Variants in SHOX observed in about 807,000 individuals in gnomAD.
SHOX encodes the protein short stature homeobox protein.
SHOX carries 12 observed loss-of-function variants against 29.6 expected under a neutral mutation model. The observed-to-expected ratio is 0.41, with a 90% CI of 0.26 to 0.66. The LOEUF is 0.66. Ranked by LOEUF, SHOX falls within the 30% of genes least tolerant of loss-of-function variation. The pLI is 0.35. For synonymous variants in SHOX, 214 were observed against 200.6 expected (o/e 1.07, Z -0.57); for missense variants, 499 against 437.7 (o/e 1.14, Z -1.25).
chrX:644,912 C>T lies in SHOX; in HGVS notation c.*276C>T. Reference sequence around the variant, plus strand: ...CAAGGCTGCCCGTGCGTCCTGGGACCCTGGAGAAGGGTAAACCCCCGCCTG... The same window carrying T: ...CAAGGCTGCCCGTGCGTCCTGGGACTCTGGAGAAGGGTAAACCCCCGCCTG... On this transcript the variant is annotated 3_prime_UTR_variant, in exon 5 of 5. Coordinates refer to ENST00000686671, the MANE Select transcript of SHOX (RefSeq NM_000451.4). 1 of 438,604 alleles carries T rather than the reference C, an allele frequency of 2.3e-6. No homozygotes were observed. The highest frequency in any genetic ancestry group is 2.1e-5 in the African/African-American group (1 of 47,698). 27.2% of individuals were successfully genotyped at this position (438,604 alleles called of 1,614,324 possible).
chrX:630,822 G>C lies in SHOX; in HGVS notation c.-76G>C. ...AACAGCGCTGGTGATCCACCCGCGC[G>C]CACGGGCCGTCCTCTCCGCGCGGGG... On this transcript the variant is annotated 5_prime_UTR_variant, in exon 1 of 5. Coordinates refer to ENST00000686671, the MANE Select transcript of SHOX (RefSeq NM_000451.4). The C allele has an allele frequency of 6.4e-7, 1 of 1,570,012 alleles. No individual in the cohort carries two copies. The highest frequency in any genetic ancestry group is 8.7e-7 in the Non-Finnish European group (1 of 1,144,754).
chrX:625,584 C>CTA (rs2052511006), intron 1 of SHOX, among the ~76,000 whole-genome samples: 1 of 150,430 alleles, frequency 6.6e-6, no homozygotes, highest in Admixed American at 6.6e-5. Flanking sequence ...CCATCTCTGT[C>CTA]TCTCTTTCTC....
At chrX:630,724 A>G (rs745718793), upstream of SHOX, 1 of 775,772 alleles carries the variant, frequency 1.3e-6, no homozygotes, top group East Asian at 2.5e-5. Context: ...ATTGCACCAG[A>G]CAGGCAGCGC....
chrX:629,231 C>T (rs2052602106), upstream of SHOX, among the ~76,000 whole-genome samples: 1 of 151,456 alleles, frequency 6.6e-6, no homozygotes, highest in African/African-American at 2.4e-5. Context: ...CTCTCTTTCT[C>T]TCTCTCCATC....
intron 2 of SHOX, among the ~76,000 whole-genome samples, chrX:639,291 T>G (rs2238843): frequency 0.52 from 79,058 of 152,070 alleles, 21,601 homozygotes; most frequent in Middle Eastern, 0.63. Context: ...GGCGTCCTCA[T>G]GACCCTTGGT....
chrX:644,950 T>G lies in SHOX; in HGVS notation c.*314T>G. 1 of 399,522 alleles carries G rather than the reference T, an allele frequency of 2.5e-6. No homozygotes were observed. The highest frequency in any genetic ancestry group is 4.4e-6 in the Non-Finnish European group (1 of 226,718). The allele number at this position is 399,522 out of a possible 1,614,324, so 24.7% of individuals were successfully genotyped here. On this transcript the variant is annotated 3_prime_UTR_variant, in exon 5 of 5. Coordinates refer to ENST00000686671, the MANE Select transcript of SHOX (RefSeq NM_000451.4). Reference sequence around the variant, plus strand: ...AAACCCCCGCCTGGCTGCGTCTTCCTCTGCTATACCCTATGCATGCGGTTA... The same window carrying G: ...AAACCCCCGCCTGGCTGCGTCTTCCGCTGCTATACCCTATGCATGCGGTTA...
In SHOX at chrX:651,109, T is replaced by TA. The variant is rs1032901152; in HGVS notation, c.*6473_*6474insA. 52 of 347,338 alleles carry TA rather than the reference T, an allele frequency of 1.5e-4. No individual in the cohort carries two copies. Among genetic ancestry groups the TA allele is most frequent in the Middle Eastern group, 9.2e-4 (1 of 1,088 alleles). The allele number at this position is 347,338 out of a possible 1,614,324, so 21.5% of individuals were successfully genotyped here. ...GATGTATGTGCATTTGTTATTTATT[T>TA]TTTTTTCCTTGGTCGGACGTTCATA... is the stretch of plus-strand genomic sequence containing the variant. On this transcript the variant is annotated 3_prime_UTR_variant, in exon 5 of 5. Coordinates refer to ENST00000686671, the MANE Select transcript of SHOX (RefSeq NM_000451.4).
rs1024689862 is a variant in SHOX, at chrX:647,098, C to T, written c.*2462C>T. Among the ~76,000 whole-genome samples the T allele has an allele frequency of 7.9e-5, 12 of 152,198 alleles. No homozygotes were observed. The highest frequency in any genetic ancestry group is 2.7e-4 in the African/African-American group (11 of 41,460). ...GAATCTGAACGTTTCTCTTTAGAGA[C>T]GGAATTTCAATCTTGTCCCCCAGGC... On this transcript the variant is annotated 3_prime_UTR_variant, in exon 5 of 5. Coordinates refer to ENST00000686671, the MANE Select transcript of SHOX (RefSeq NM_000451.4).
intron 4 of SHOX, among the ~76,000 whole-genome samples, chrX:643,838 G>A (rs2052912061): frequency 7.0e-6 from 1 of 142,650 alleles, no homozygotes. Flanking sequence ...GGTGACCCGG[G>A]AGAGGCTTGG....
At chrX:625,056 T>TCCCC (rs2052493113) in intron 1 of SHOX, among the ~76,000 whole-genome samples, 2 of 51,792 alleles carry the variant, frequency 3.9e-5, no homozygotes, top group South Asian at 9.3e-4. Context: ...CCTCTGTTCC[T>TCCCC]TCCTCCCTCC....
chrX:634,936 G>A, intron 2 of SHOX, 110 bp downstream of exon 2: 2 of 1,193,988 alleles, frequency 1.7e-6, no homozygotes, highest in East Asian at 2.6e-5. Flanking sequence ...CCCCTTCCCG[G>A]AGCGCGGGGA....
intron 2 of SHOX, among the ~76,000 whole-genome samples, chrX:636,205 T>G (rs182612168): frequency 1.4e-5 from 2 of 146,518 alleles, no homozygotes; most frequent in Admixed American, 6.9e-5. Flanking sequence ...TATACATATA[T>G]AAATATATAA....
intron 2 of SHOX, among the ~76,000 whole-genome samples, chrX:640,143 G>C (rs960324029): frequency 7.9e-5 from 12 of 152,038 alleles, no homozygotes; most frequent in Admixed American, 4.6e-4. Flanking sequence ...TCAGGAGTTC[G>C]AGACCAGCCT....
chrX:638,807 G>C (rs2052801309), intron 2 of SHOX, among the ~76,000 whole-genome samples: 1 of 152,250 alleles, frequency 6.6e-6, no homozygotes, highest in African/African-American at 2.4e-5. Flanking sequence ...CCCAGCACGT[G>C]TTTTGCCCAC....
chrX:625,200 C>T (rs1362882537), intron 1 of SHOX, among the ~76,000 whole-genome samples: 1 of 127,958 alleles, frequency 7.8e-6, no homozygotes, highest in African/African-American at 3.0e-5. Flanking sequence ...TCCTCCTCCT[C>T]CTTCTCCTCC....
In SHOX at chrX:636,619, CATAT is replaced by C. The variant is rs779286118; in HGVS notation, c.486+1799_486+1802del. ...TACATATAAAATATACATATATAAA[CATAT>C]ATATACATATAAAGAAATATATATA... On this transcript the variant is annotated intron_variant, in intron 2 of 4. Transcript: ENST00000686671. 3.4e-4 allele frequency among the ~76,000 whole-genome samples: 4 copies of C among 11,608 alleles called. 2 individuals are homozygous for C. The highest frequency in any genetic ancestry group is 4.8e-4 in the Non-Finnish European group (4 of 8,342). 7.6% of individuals were successfully genotyped at this position (11,608 alleles called of 152,430 possible). A position where few individuals can be genotyped will look rare whatever the true frequency, so the allele number is the denominator to read the frequency against.
At chrX:624,734 T>TTTCTTTCC (rs1324928938) in intron 1 of SHOX, 1 of 146,788 alleles carries the variant, frequency 6.8e-6, no homozygotes, top group African/African-American at 2.6e-5. Flanking sequence ...TCTTTCTTTC[T>TTTCTTTCC]TTCTTTTCTT....
rs1050204485 is a variant in SHOX at position 650,774 on chromosome X, G to A, written c.*6138G>A. 3.9e-5 allele frequency among the ~76,000 whole-genome samples: 5 copies of A among 126,622 alleles called. No homozygotes were observed. The highest frequency in any genetic ancestry group is 8.1e-5 in the Non-Finnish European group (5 of 62,046). 83.1% of individuals were successfully genotyped at this position (126,622 alleles called of 152,430 possible). On this transcript the variant is annotated 3_prime_UTR_variant, in exon 5 of 5. Coordinates refer to ENST00000686671, the MANE Select transcript of SHOX (RefSeq NM_000451.4). The stretch of plus-strand genomic sequence containing the variant: ...AGGTCTGGGGAGGAGAGAGGCTTTC[G>A]GTGGACACGTTTGACATTAAAAAAA...
In SHOX at chrX:640,877, A is replaced by C. The variant is rs202144835; in HGVS notation, c.543A>C (p.Lys181Asn). 107 of 1,613,732 alleles carry C rather than the reference A, an allele frequency of 6.6e-5. No individual in the cohort carries two copies. The highest frequency in any genetic ancestry group is 8.6e-5 in the Non-Finnish European group (102 of 1,179,862). ...KCRKQENQMH[K>N]GVILGTANHL... ...GCAAACAAGAGAATCAGATGCATAAAGGTGGGTGTCGGGACTGGGGGGACC... is the reference window on the plus strand; with the variant it reads ...GCAAACAAGAGAATCAGATGCATAACGGTGGGTGTCGGGACTGGGGGGACC... Residue 181 changes from lysine to asparagine, a missense_variant and splice_region_variant, in exon 3 of 5, where the codon AAA (lysine) becomes AAC (asparagine). Coordinates refer to ENST00000686671, the MANE Select transcript of SHOX (RefSeq NM_000451.4).
Sources: allele counts gnomAD v4.1 joint callset (sites outside exome capture counted in the v4.1 genomes callset), GRCh38; gene constraint gnomAD v4.1.1; transcripts MANE v1.5; gene names NCBI Gene and HGNC (gene_info 2026-07-23, HGNC 2026-07-21).